Variants in DMD observed in about 807,000 individuals in gnomAD.
DMD encodes the protein mutant dystrophin.
A neutral mutation model predicts 330.1 loss-of-function variants in DMD; 63 were observed. The ratio of observed to expected loss-of-function variants is 0.19; its 90% CI spans 0.16 to 0.24. DMD has a LOEUF of 0.24. DMD is among the 10% of genes least tolerant of loss of function. DMD has a pLI of 1.00. For missense variants in DMD, 3,344 were observed against 2,684.1 expected (o/e 1.25, Z -5.43); for synonymous variants, 1,223 against 959.8 (o/e 1.27, Z -5.07).
chrX:33,162,879 A>G (rs2048838836), intron 1 of DMD, among the ~76,000 whole-genome samples: 1 of 111,170 alleles, frequency 9.0e-6, no homozygotes, highest in African/African-American at 3.3e-5. Context: ...TTAGTAGGAT[A>G]ATAGCATTTT....
chrX:31,821,467 T>C (rs1214223167), intron 49 of DMD, among the ~76,000 whole-genome samples: 2 of 112,163 alleles, frequency 1.8e-5, no homozygotes, highest in Admixed American at 9.5e-5. Context: ...TCATTTTCAA[T>C]AGGATTTCAT....
At chrX:31,716,858 T>C (rs2897019) in intron 52 of DMD, among the ~76,000 whole-genome samples, 8,309 of 73,869 alleles carry the variant, frequency 0.11, 299 homozygotes, top group East Asian at 0.14. Flanking sequence ...CACACACACA[T>C]ATATATATAT....
intron 44 of DMD, among the ~76,000 whole-genome samples, chrX:32,031,116 G>A (rs1187787014): frequency 5.8e-5 from 6 of 103,986 alleles, no homozygotes; most frequent in Non-Finnish European, 1.0e-4. Context: ...GAAAACTGCA[G>A]AAGGGGGCTG....
intron 44 of DMD, among the ~76,000 whole-genome samples, chrX:32,119,206 C>T (rs2096624365): frequency 9.1e-6 from 1 of 109,906 alleles, no homozygotes. Context: ...GGCGCCAGAG[C>T]ACCTGTAATC....
chrX:32,224,076 T>C (rs1192266421), intron 43 of DMD, among the ~76,000 whole-genome samples: 1 of 111,501 alleles, frequency 9.0e-6, no homozygotes, highest in Non-Finnish European at 1.9e-5. Flanking sequence ...TCTGAAAGAT[T>C]TGTAGGAATT....
At position 32,887,766 on chromosome X, in the gene DMD, A is replaced by AC. The variant is rs1440238460; in HGVS notation, c.94-37947_94-37946insG. Among the ~76,000 whole-genome samples, 3 of 101,940 alleles carry AC rather than the reference A, an allele frequency of 2.9e-5. 1 individual carries two copies. The highest frequency in any genetic ancestry group is 5.9e-5 in the Non-Finnish European group (3 of 50,726). 88.5% of individuals were successfully genotyped at this position (101,940 alleles called of 115,157 possible). On this transcript the variant is annotated intron_variant, in intron 2 of 78. Coordinates refer to ENST00000357033, the MANE Select transcript of DMD (RefSeq NM_004006.3). ...GTCTCAAAAAAAAAAAAAAAAAAAA[A>AC]AAAAAAAAAACATCAACTAAAAGCT...
At chrX:32,478,226 A>G (rs1045164860) in intron 21 of DMD, among the ~76,000 whole-genome samples, 10 of 111,354 alleles carry the variant, frequency 9.0e-5, no homozygotes, top group South Asian at 3.7e-4. Flanking sequence ...ATCGAGTCCA[A>G]TTTGAATTCC....
chrX:31,221,607 TTGAAA>T (rs2046044823), intron 64 of DMD, among the ~76,000 whole-genome samples: 1 of 113,197 alleles, frequency 8.8e-6, no homozygotes, highest in African/African-American at 3.2e-5. Flanking sequence ...ATATATGACA[TTGAAA>T]TGGTCTTGGA....
At chrX:32,644,692 T>A (rs1202864474) in intron 10 of DMD, among the ~76,000 whole-genome samples, 1 of 110,384 alleles carries the variant, frequency 9.1e-6, no homozygotes, top group Admixed American at 9.8e-5. Context: ...ATACCATACA[T>A]CAACTCAGGA....
chrX:32,857,861 T>C (rs2081715856), intron 2 of DMD, among the ~76,000 whole-genome samples: 1 of 111,085 alleles, frequency 9.0e-6, no homozygotes, highest in African/African-American at 3.3e-5. Flanking sequence ...TCTTGCTTTG[T>C]GGGCCAAACT....
intron 1 of DMD, among the ~76,000 whole-genome samples, chrX:33,183,448 C>T (rs904858773): frequency 1.8e-5 from 2 of 111,874 alleles, no homozygotes; most frequent in African/African-American, 6.5e-5. Context: ...AAAAAGATAG[C>T]CAGTCCCCAC....
chrX:32,116,625 C>T (rs1158208939), intron 44 of DMD, among the ~76,000 whole-genome samples: 1 of 112,205 alleles, frequency 8.9e-6, no homozygotes, highest in African/African-American at 3.2e-5. Flanking sequence ...TGTACTCCCC[C>T]TATCTGCCTA....
intron 41 of DMD, among the ~76,000 whole-genome samples, chrX:32,331,003 AACT>A (rs890830899): frequency 5.4e-5 from 6 of 111,625 alleles, no homozygotes; most frequent in African/African-American, 1.9e-4. Flanking sequence ...CAATAAGTAA[AACT>A]ACATCTTGAT....
intron 59 of DMD, among the ~76,000 whole-genome samples, chrX:31,447,260 A>ATTTTTTTT (rs72227601): frequency 3.8e-5 from 2 of 52,472 alleles, no homozygotes; most frequent in African/African-American, 1.4e-4. Context: ...AGATCTTGGG[A>ATTTTTTTT]TTTTTTTTTT....
At chrX:33,207,317 C>T (rs1337062605) in intron 1 of DMD, among the ~76,000 whole-genome samples, 1 of 110,972 alleles carries the variant, frequency 9.0e-6, no homozygotes, top group African/African-American at 3.3e-5. Flanking sequence ...TAAGAAGGCA[C>T]ATTGAATGCT....
intron 9 of DMD, among the ~76,000 whole-genome samples, chrX:32,648,111 G>T (rs1054691903): frequency 9.0e-6 from 1 of 111,575 alleles, no homozygotes; most frequent in African/African-American, 3.3e-5. Flanking sequence ...ATTTACACAG[G>T]ATTGAATTTT....
At chrX:31,458,612 T>G (rs1479835838) in intron 59 of DMD, among the ~76,000 whole-genome samples, 1 of 110,416 alleles carries the variant, frequency 9.1e-6, no homozygotes, top group Non-Finnish European at 1.9e-5. Context: ...AGTAATAGAC[T>G]TTTTTCTTTT....
chrX:31,601,933 C>T (rs1490536682), intron 55 of DMD, among the ~76,000 whole-genome samples: 1 of 110,956 alleles, frequency 9.0e-6, no homozygotes, highest in Admixed American at 9.6e-5. Flanking sequence ...GATGTTTTTC[C>T]TATAAAAATC....
At chrX:32,309,000 G>C (rs1428475927) in intron 42 of DMD, among the ~76,000 whole-genome samples, 1 of 111,203 alleles carries the variant, frequency 9.0e-6, no homozygotes, top group Non-Finnish European at 1.9e-5. Flanking sequence ...GTACCAATAA[G>C]TGATTTGACT....
Sources: allele counts gnomAD v4.1 joint callset (sites outside exome capture counted in the v4.1 genomes callset), GRCh38; gene constraint gnomAD v4.1.1; transcripts MANE v1.5; gene names NCBI Gene and HGNC (gene_info 2026-07-23, HGNC 2026-07-21).